Variants in THSD7A observed in about 807,000 individuals in gnomAD.
THSD7A encodes the protein thrombospondin type-1 domain-containing protein 7A.
Under a neutral mutation model 231.3 loss-of-function variants are expected in THSD7A, and 96 were observed. The ratio of observed to expected loss-of-function variants is 0.41; its 90% CI spans 0.35 to 0.49. THSD7A has a LOEUF of 0.49. Ranked by LOEUF, THSD7A falls within the 20% of genes least tolerant of loss-of-function variation. THSD7A has a pLI of 0.05. For synonymous variants in THSD7A, 940 were observed against 743.3 expected, an observed-to-expected ratio of 1.26 and a Z score of -4.30; for missense variants, 2,290 against 2,070.2, an observed-to-expected ratio of 1.11 and a Z score of -2.06.
chr7:11,652,713 T>G (rs1584151141), intron 1 of THSD7A, among the ~76,000 whole-genome samples: 1 of 152,016 alleles, frequency 6.6e-6, no homozygotes, highest in Non-Finnish European at 1.5e-5. Context: ...AAAATGGTTT[T>G]GCTTCCAAAA....
intron 1 of THSD7A, among the ~76,000 whole-genome samples, chr7:11,815,038 G>C (rs1784635995): frequency 6.6e-6 from 1 of 150,858 alleles, no homozygotes; most frequent in Admixed American, 6.6e-5. Context: ...ACTTTAATTT[G>C]AATTTGTTGT....
At chr7:11,539,414 G>T (rs975332440) in intron 6 of THSD7A, among the ~76,000 whole-genome samples, 2 of 152,154 alleles carry the variant, frequency 1.3e-5, no homozygotes, top group Non-Finnish European at 2.9e-5. Flanking sequence ...GTCCTGTAAA[G>T]GACAATAACA....
chr7:11,827,974 T>C (rs12535847), intron 1 of THSD7A, among the ~76,000 whole-genome samples: 32,924 of 152,076 alleles, frequency 0.22, 4,525 homozygotes, highest in East Asian at 0.5. Flanking sequence ...TAAGCTAACA[T>C]TGCTTCAGTG....
At position 11,379,075 on chromosome 7, in the gene THSD7A, C is replaced by T. The variant is rs1376072465; in HGVS notation, c.4796G>A (p.Gly1599Glu). The T allele has an allele frequency of 1.2e-6, 2 of 1,612,988 alleles. No homozygotes were observed. The highest frequency in any genetic ancestry group is 1.7e-5 in the Admixed American group (1 of 59,936). Residue 1599 changes from glycine (G) to glutamate (E), a missense_variant, in exon 26 of 28, where the codon GGG becomes GAG. Coordinates refer to ENST00000423059, the MANE Select transcript of THSD7A (RefSeq NM_015204.3). ...CACTAGTCTAGTCAGTTCACCTGGC[C>T]CAAATGGCTGTAGAAACCAGGTCCT... Reference protein sequence around the residue: ...RGRTWFLQPFGPDGRLKTWVY... With the variant: ...RGRTWFLQPFEPDGRLKTWVY...
At chr7:11,511,732 T>A (rs1017844340) in intron 6 of THSD7A, among the ~76,000 whole-genome samples, 6 of 152,238 alleles carry the variant, frequency 3.9e-5, no homozygotes, top group Non-Finnish European at 8.8e-5. Context: ...GCTAGCCATA[T>A]GTAGAAAGCT....
intron 1 of THSD7A, among the ~76,000 whole-genome samples, chr7:11,777,715 T>G (rs1783461942): frequency 6.6e-6 from 1 of 152,166 alleles, no homozygotes; most frequent in Non-Finnish European, 1.5e-5. Context: ...AGAAATCAGA[T>G]TCAGCAACTC....
At position 11,831,889 on chromosome 7, in the gene THSD7A, G is replaced by T. The variant is rs572809169; in HGVS notation, c.58C>A (p.Arg20=). The T allele has an allele frequency of 8.0e-7, 1 of 1,246,770 alleles. No homozygotes were observed. Among genetic ancestry groups the T allele is most frequent in the Non-Finnish European group, 1.0e-6 (1 of 999,822 alleles). 77.2% of individuals were successfully genotyped at this position (1,246,770 alleles called of 1,614,324 possible). ...AGCGGCAGCAGCTGCAGGACGCCCC[G>T]GCGCGGCCCCGCAGCGCCCCGGCTC... ...SGSRGAAGPR[R]GVLQLLPLPL... Residue 20 remains arginine (R), a synonymous_variant, in exon 1 of 28, where the codon CGG becomes AGG. Transcript: ENST00000423059. The surrounding 1 kb of genome is among the most constrained non-coding windows in gnomAD (Gnocchi z 5.0).
At chr7:11,549,187 A>G (rs1415073575) in intron 4 of THSD7A, among the ~76,000 whole-genome samples, 2 of 152,222 alleles carry the variant, frequency 1.3e-5, no homozygotes, top group Non-Finnish European at 2.9e-5. Context: ...TAAAACCACA[A>G]TGAGATATCA....
chr7:11,396,848 A>G (rs559974556), intron 23 of THSD7A, among the ~76,000 whole-genome samples: 1 of 152,374 alleles, frequency 6.6e-6, no homozygotes, highest in East Asian at 1.9e-4. Context: ...TTTCAGGCCA[A>G]TATCCCTGAT....
Position 11,459,469 on chromosome 7 carries a change from T to C in THSD7A, c.2605+1193A>G, listed in dbSNP as rs1005673971. Reference sequence around the variant, plus strand: ...GAGGAGAACGACTTTCAGTTCTATATACTTAAGTCTCTATAACTGTAAAGG... The same window carrying C: ...GAGGAGAACGACTTTCAGTTCTATACACTTAAGTCTCTATAACTGTAAAGG... On this transcript the variant is annotated intron_variant, in intron 11 of 27. Coordinates refer to ENST00000423059, the MANE Select transcript of THSD7A (RefSeq NM_015204.3). 3.3e-5 allele frequency among the ~76,000 whole-genome samples: 5 copies of C among 152,122 alleles called. No individual in the cohort carries two copies. The East Asian group carries it at 7.7e-4, about 23-fold the overall frequency.
intron 9 of THSD7A, among the ~76,000 whole-genome samples, chr7:11,462,555 T>C (rs534878289): frequency 6.7e-6 from 1 of 148,904 alleles, no homozygotes; most frequent in South Asian, 2.1e-4. Flanking sequence ...ATGAATCTTC[T>C]TTAGGAGAAT....
chr7:11,624,654 T>G (rs1446904932), intron 2 of THSD7A, among the ~76,000 whole-genome samples: 1 of 152,168 alleles, frequency 6.6e-6, no homozygotes, highest in East Asian at 1.9e-4. Context: ...TAGTTGTTTT[T>G]ATGTAAGATT....
intron 23 of THSD7A, among the ~76,000 whole-genome samples, chr7:11,391,185 T>G (rs1782966316): frequency 2.0e-5 from 3 of 152,202 alleles, no homozygotes; most frequent in Admixed American, 1.3e-4. Flanking sequence ...CTGCCTAAGC[T>G]GCACTCACAG....
intron 4 of THSD7A, among the ~76,000 whole-genome samples, chr7:11,576,188 C>G (rs1046090475): frequency 3.3e-5 from 5 of 152,136 alleles, no homozygotes; most frequent in South Asian, 2.1e-4. Flanking sequence ...AGCATTTTTC[C>G]TTTGCCCCAC....
chr7:11,564,417 GA>G (rs1790216289), intron 4 of THSD7A, among the ~76,000 whole-genome samples: 1 of 152,190 alleles, frequency 6.6e-6, no homozygotes, highest in African/African-American at 2.4e-5. Context: ...AGCAAGTTAG[GA>G]GGATATTTGA....
At chr7:11,472,895 AT>A (rs779191917) in intron 8 of THSD7A, among the ~76,000 whole-genome samples, 3 of 152,068 alleles carry the variant, frequency 2.0e-5, no homozygotes, top group Non-Finnish European at 4.4e-5. Flanking sequence ...CGTAGTGAAT[AT>A]TTCTACCTTT....
At position 11,676,793 on chromosome 7, in the gene THSD7A, T is replaced by C. The variant is rs375174549; in HGVS notation, c.191-39832A>G. 2.6e-4 allele frequency among the ~76,000 whole-genome samples: 39 copies of C among 152,108 alleles called. 2 individuals are homozygous for C. Among genetic ancestry groups the C allele is most frequent in the East Asian group, 1.4e-3 (7 of 5,180 alleles). ...GTGAAAAGACCAAACCTAAGTTTGA[T>C]TGGTGTACTTGAAAGTGACGGGGAG... On this transcript the variant is annotated intron_variant, in intron 1 of 27. Transcript: ENST00000423059.
chr7:11,810,447 A>G (rs1175691311), intron 1 of THSD7A, among the ~76,000 whole-genome samples: 2 of 152,148 alleles, frequency 1.3e-5, no homozygotes, highest in Non-Finnish European at 2.9e-5. Flanking sequence ...TGCTATGTCT[A>G]CATCTCCTTG....
At position 11,411,749 on chromosome 7, in the gene THSD7A, T is replaced by A. The variant is rs1242666004; in HGVS notation, c.3683-427A>T. ...TATTCAGATAAAACATACATTTTAT[T>A]TCTTATCCATATTTAGAATGCAAGA... On this transcript the variant is annotated intron_variant, in intron 18 of 27. Coordinates refer to ENST00000423059, the MANE Select transcript of THSD7A (RefSeq NM_015204.3). The surrounding 1 kb of genome is among the most constrained non-coding windows in gnomAD (Gnocchi z 4.1). 6.6e-6 allele frequency among the ~76,000 whole-genome samples: 1 copy of A among 152,198 alleles called. No individual in the cohort carries two copies. Among genetic ancestry groups the A allele is most frequent in the African/African-American group, 2.4e-5 (1 of 41,438 alleles).
Sources: gnomAD v4.1 joint callset for allele counts (sites outside exome capture counted in the v4.1 genomes callset) on GRCh38, gnomAD v4.1.1 for gene constraint, Gnocchi (gnomAD v3.1) non-coding constraint, MANE v1.5 for transcripts, NCBI Gene and HGNC (gene_info 2026-07-23, HGNC 2026-07-21) for gene names.